Variants in PLCB1 observed in about 807,000 individuals in gnomAD.
PLCB1 encodes 1-phosphatidylinositol 4,5-bisphosphate phosphodiesterase beta-1.
PLCB1 carries 46 observed loss-of-function variants against 161.8 expected under a neutral mutation model. That is an observed-to-expected ratio of 0.28 (90% confidence interval 0.22 to 0.36). PLCB1 has a LOEUF of 0.36. PLCB1 is among the 10% of genes least tolerant of loss of function. PLCB1 has a pLI of 1.00. For missense variants in PLCB1, 1,016 were observed against 1,472.5 expected, an observed-to-expected ratio of 0.69 and a Z score of 5.07; for synonymous variants, 517 against 503.7, an observed-to-expected ratio of 1.03 and a Z score of -0.35.
intron 9 of PLCB1, among the ~76,000 whole-genome samples, chr20:8,674,240 G>A (rs1014132810): frequency 6.6e-6 from 1 of 152,172 alleles, no homozygotes; most frequent in African/African-American, 2.4e-5. Flanking sequence ...AATATAAACA[G>A]CATATGAGAC....
At chr20:8,878,968 C>A (rs143722454) in intron 31 of PLCB1, among the ~76,000 whole-genome samples, 2 of 152,052 alleles carry the variant, frequency 1.3e-5, no homozygotes, top group Non-Finnish European at 2.9e-5. Context: ...CTCCCTCCCC[C>A]ACTTTATTAG....
chr20:8,658,613 G>T lies in PLCB1; in HGVS notation c.771G>T (p.Arg257=), dbSNP rs1304090668. ...TCAACCTTAAGCAGCGAGATCCTCGGCTTAATGAAATACTTTATCCACCTC... is the reference window on the plus strand; with the variant it reads ...TCAACCTTAAGCAGCGAGATCCTCGTCTTAATGAAATACTTTATCCACCTC... The part of the protein sequence containing the change: ...DFINLKQRDP[R]LNEILYPPLK... The change falls in exon 9 of 32, where the codon CGG becomes CGT. Residue 257 remains arginine, a synonymous_variant. Coordinates refer to ENST00000338037, the MANE Select transcript of PLCB1 (RefSeq NM_015192.4). The T allele has an allele frequency of 2.5e-6, 4 of 1,613,016 alleles. No homozygotes were observed. The South Asian group carries it at 3.3e-5, about 13-fold the overall frequency.
At chr20:8,773,733 G>A (rs1007856975) in intron 26 of PLCB1, among the ~76,000 whole-genome samples, 1 of 152,136 alleles carries the variant, frequency 6.6e-6, no homozygotes. Flanking sequence ...CAGCACTCTG[G>A]GAGGCTGAGA....
At chr20:8,490,246 A>G (rs1237960273) in intron 3 of PLCB1, among the ~76,000 whole-genome samples, 2 of 152,366 alleles carry the variant, frequency 1.3e-5, no homozygotes, top group African/African-American at 4.8e-5. Context: ...AGCCAAAAAA[A>G]TTAAGAGCCA....
intron 26 of PLCB1, among the ~76,000 whole-genome samples, chr20:8,765,762 A>G (rs1308029673): frequency 6.6e-6 from 1 of 151,918 alleles, no homozygotes; most frequent in East Asian, 1.9e-4. Flanking sequence ...ATCTCGGCTC[A>G]CTGCAACTTC....
In PLCB1 at chr20:8,450,394, G is replaced by A. The variant is rs187640496; in HGVS notation, c.246+78944G>A. ...AAATTTTTCTTTCATTTTTTTTTTT[G>A]TCAGTCTCTGAAATTAGTGAATAGG... On this transcript the variant is annotated intron_variant, in intron 3 of 31. Transcript: ENST00000338037. 5.7e-4 allele frequency among the ~76,000 whole-genome samples: 83 copies of A among 144,384 alleles called. 1 individual carries two copies. The highest frequency in any genetic ancestry group is 3.5e-3 in the Middle Eastern group (1 of 282). 94.7% of individuals were successfully genotyped at this position (144,384 alleles called of 152,430 possible).
chr20:8,332,153 C>T (rs2662979), intron 2 of PLCB1, among the ~76,000 whole-genome samples: 2,247 of 152,244 alleles, frequency 0.015, 54 homozygotes, highest in African/African-American at 0.05. Flanking sequence ...CCTTGTGCTG[C>T]CCTTGGTATT....
At chr20:8,230,092 G>C (rs1979943318) in intron 2 of PLCB1, among the ~76,000 whole-genome samples, 1 of 125,738 alleles carries the variant, frequency 8.0e-6, no homozygotes, top group Admixed American at 8.1e-5. Context: ...AAAGAAATCT[G>C]AAAAACAGAA....
intron 2 of PLCB1, among the ~76,000 whole-genome samples, chr20:8,203,838 A>G (rs1453891153): frequency 6.6e-6 from 1 of 152,072 alleles, no homozygotes; most frequent in African/African-American, 2.4e-5. Context: ...AATTGGTACA[A>G]CCCTGAAGCA....
intron 11 of PLCB1, among the ~76,000 whole-genome samples, chr20:8,706,988 G>A (rs567878544): frequency 8.5e-5 from 13 of 152,072 alleles, no homozygotes; most frequent in East Asian, 1.9e-4. Context: ...TTCAAAAGTC[G>A]GTTTGAATCC....
intron 2 of PLCB1, among the ~76,000 whole-genome samples, chr20:8,204,848 A>G (rs777905608): frequency 6.6e-6 from 1 of 152,116 alleles, no homozygotes; most frequent in Non-Finnish European, 1.5e-5. Flanking sequence ...ATCATATCCT[A>G]TGTGTCACAC....
rs1306014117 is a variant in PLCB1 at position 8,881,812 on chromosome 20, G to A, written c.3614G>A (p.Gly1205Glu). The change falls in exon 32 of 32, where the codon GGA becomes GAA. Residue 1205 changes from glycine (G) to glutamate (E), a missense_variant. Coordinates refer to ENST00000338037, the MANE Select transcript of PLCB1 (RefSeq NM_015192.4). ...HKTPSSEELG[G>E]DIPGKEFDTP... ...ACTCCCTCCAGTGAGGAGCTGGGAG[G>A]AGACATCCCAGGAAAAGAATTTGAT... 6.2e-7 allele frequency: 1 copy of A among 1,614,048 alleles called. No individual in the cohort carries two copies. Among genetic ancestry groups the A allele is most frequent in the South Asian group, 1.1e-5 (1 of 91,066 alleles).
intron 2 of PLCB1, among the ~76,000 whole-genome samples, chr20:8,201,255 A>AC (rs1397303169): frequency 6.6e-6 from 1 of 151,548 alleles, no homozygotes; most frequent in Non-Finnish European, 1.5e-5. Flanking sequence ...TTAAAAAAGG[A>AC]CCCCCCTCCA....
chr20:8,562,645 G>A (rs116699550), intron 3 of PLCB1, among the ~76,000 whole-genome samples: 1,659 of 151,992 alleles, frequency 0.011, 29 homozygotes, highest in African/African-American at 0.036. Flanking sequence ...GCTCCTCTGT[G>A]GACTTAAAAT....
intron 27 of PLCB1, among the ~76,000 whole-genome samples, chr20:8,786,507 T>C (rs1052136540): frequency 3.3e-5 from 5 of 152,194 alleles, no homozygotes; most frequent in African/African-American, 7.2e-5. Flanking sequence ...ATCGTAATTC[T>C]CTTGCAAGCC....
intron 26 of PLCB1, among the ~76,000 whole-genome samples, chr20:8,769,343 T>C (rs1420703513): frequency 6.6e-6 from 1 of 152,014 alleles, no homozygotes; most frequent in Non-Finnish European, 1.5e-5. Flanking sequence ...AGACATAACT[T>C]TCAAAAGCAA....
intron 3 of PLCB1, among the ~76,000 whole-genome samples, chr20:8,417,045 A>C (rs1371579552): frequency 3.6e-5 from 2 of 55,660 alleles, no homozygotes; most frequent in Non-Finnish European, 8.3e-5. Flanking sequence ...ACACACACAC[A>C]CACACACACA....
chr20:8,495,057 GA>G lies in PLCB1; in HGVS notation c.246+123618del, dbSNP rs201740308. Among the ~76,000 whole-genome samples, 566 of 144,648 alleles carry G rather than the reference GA, an allele frequency of 3.9e-3. 1 individual carries two copies. Among genetic ancestry groups the G allele is most frequent in the African/African-American group, 0.012 (476 of 39,610 alleles). The allele number at this position is 144,648 out of a possible 152,430, so 94.9% of individuals were successfully genotyped here. ...TGAGATGTAGTTTTAAATCTTTTAT[GA>G]AAAAAAAAAACCTTATGGAGAAAGG... On this transcript the variant is annotated intron_variant, in intron 3 of 31. Transcript: ENST00000338037.
intron 3 of PLCB1, among the ~76,000 whole-genome samples, chr20:8,472,889 T>C (rs1485943780): frequency 1.3e-5 from 2 of 152,194 alleles, no homozygotes; most frequent in African/African-American, 4.8e-5. Flanking sequence ...GTTTACATTG[T>C]TGTTTACAAA....
Sources: allele counts gnomAD v4.1 joint callset (sites outside exome capture counted in the v4.1 genomes callset), GRCh38; gene constraint gnomAD v4.1.1; transcripts MANE v1.5; gene names NCBI Gene and HGNC (gene_info 2026-07-23, HGNC 2026-07-21).